Variants in DNAAF4 observed in about 807,000 individuals in gnomAD.
DNAAF4 encodes dynein axonemal assembly factor 4.
In DNAAF4, 43 loss-of-function variants were observed where a neutral mutation model predicts 51.8. That is an observed-to-expected ratio of 0.83 (90% CI 0.65 to 1.07). DNAAF4 has a LOEUF of 1.07. Among genes scored for constraint, DNAAF4 ranks in the 50% least tolerant of loss-of-function variants. The pLI is 0.00. For synonymous variants in DNAAF4, 194 were observed against 165.6 expected (o/e 1.17, Z -1.32); for missense variants, 581 against 493.0 (o/e 1.18, Z -1.69).
Position 55,430,443 on chromosome 15 carries a change from T to C in DNAAF4, c.*227A>G. 1 of 1,031,470 alleles carries C rather than the reference T, an allele frequency of 9.7e-7. No individual in the cohort carries two copies. Among genetic ancestry groups the C allele is most frequent in the Non-Finnish European group, 1.2e-6 (1 of 841,752 alleles). 63.9% of individuals were successfully genotyped at this position (1,031,470 alleles called of 1,614,324 possible). The stretch of plus-strand genomic sequence containing the variant: ...AACACAAAAAAGTATACATATGTAT[T>C]AATATGAAGAAATAAGGAATTAAAA... On this transcript the variant is annotated 3_prime_UTR_variant, in exon 10 of 10. Transcript: ENST00000321149.
rs71105878 is a variant in DNAAF4, at chr15:55,423,168, G to GTTTT, written c.1048-5039_1048-5036dup. 1.7e-4 allele frequency among the ~76,000 whole-genome samples: 25 copies of GTTTT among 146,142 alleles called. 1 individual carries two copies. Among genetic ancestry groups the GTTTT allele is most frequent in the African/African-American group, 5.0e-4 (20 of 39,702 alleles). On this transcript the variant is annotated intron_variant, in intron 7 of 7. Transcript: ENST00000448430. ...GCAATAGCTAGATGTAGAGCCAAAA[G>GTTTT]TTTTTTTTTTTTTAAGATATGATAT...
At chr15:55,503,973 G>A (rs1167856317) in intron 1 of DNAAF4, among the ~76,000 whole-genome samples, 1 of 152,190 alleles carries the variant, frequency 6.6e-6, no homozygotes, top group Non-Finnish European at 1.5e-5. Flanking sequence ...TAGGAAGAGA[G>A]GAAGTCAAAT....
At chr15:55,479,844 A>C (rs1431402215) in intron 4 of DNAAF4, among the ~76,000 whole-genome samples, 1 of 152,086 alleles carries the variant, frequency 6.6e-6, no homozygotes, top group Non-Finnish European at 1.5e-5. Flanking sequence ...GGTGGGGGAA[A>C]AACTCCACCC....
chr15:55,417,998 C>T (rs111445249), exon 8 of DNAAF4: 26,347 of 799,012 alleles, frequency 0.033, 486 homozygotes, highest in African/African-American at 0.047. Flanking sequence ...AGGCAGGAAC[C>T]GGCCATTTTC....
At chr15:55,418,150 G>T (rs763227298) in intron 7 of DNAAF4, 1 of 1,570,404 alleles carries the variant, frequency 6.4e-7, no homozygotes, top group Non-Finnish European at 8.6e-7. Context: ...AAGGGAAGTG[G>T]GTGGGACTGA....
At position 55,455,387 on chromosome 15, in the gene DNAAF4, A is replaced by AACAT. The variant is rs1555416510; in HGVS notation, c.638-5021_638-5020insATGT. Among the ~76,000 whole-genome samples, 148 of 127,380 alleles carry AACAT rather than the reference A, an allele frequency of 1.2e-3. 1 individual carries two copies. Among genetic ancestry groups the AACAT allele is most frequent in the Admixed American group, 3.5e-3 (43 of 12,380 alleles). The allele number at this position is 127,380 out of a possible 152,430, so 83.6% of individuals were successfully genotyped here. Reference sequence around the variant, plus strand: ...CTGCTTATAAAATATTAGCAAATTGAATATATATATATATATATATATATA... The same window carrying AACAT: ...CTGCTTATAAAATATTAGCAAATTGAACATATATATATATATATATATATATATA... On this transcript the variant is annotated intron_variant, in intron 5 of 9. Coordinates refer to ENST00000321149, the MANE Select transcript of DNAAF4 (RefSeq NM_130810.4).
chr15:55,450,755 T>C (rs2057919484), intron 5 of DNAAF4, among the ~76,000 whole-genome samples: 1 of 152,204 alleles, frequency 6.6e-6, no homozygotes, highest in South Asian at 2.1e-4. Context: ...ATCTCCTATA[T>C]GCTTTCTTAT....
chr15:55,447,139 C>T lies in DNAAF4; in HGVS notation c.783+3083G>A, dbSNP rs1471761301. 4.6e-5 allele frequency among the ~76,000 whole-genome samples: 6 copies of T among 129,406 alleles called. No individual in the cohort carries two copies. The South Asian group carries it at 7.9e-4, about 17-fold the overall frequency. 84.9% of individuals were successfully genotyped at this position (129,406 alleles called of 152,430 possible). ...GCAGAGGCACTCCTCACTTCCCAGA[C>T]GGGGTGGCCAGGCAGAGGCGCTCCT... is the stretch of plus-strand genomic sequence containing the variant. On this transcript the variant is annotated intron_variant, in intron 6 of 9. Transcript: ENST00000321149.
intron 5 of DNAAF4, among the ~76,000 whole-genome samples, chr15:55,454,405 TCTCA>T (rs2057986050): frequency 6.6e-6 from 1 of 151,852 alleles, no homozygotes; most frequent in Non-Finnish European, 1.5e-5. Context: ...TGAGACAGAG[TCTCA>T]CTCTGTTACC....
At chr15:55,472,654 T>C (rs1461143718) in intron 4 of DNAAF4, among the ~76,000 whole-genome samples, 1 of 152,048 alleles carries the variant, frequency 6.6e-6, no homozygotes, top group Non-Finnish European at 1.5e-5. Context: ...TAGGTGTTTG[T>C]ACTGTTCAAA....
rs55811825 is a variant in DNAAF4 at position 55,473,275 on chromosome 15, A to G, written c.406-6114T>C. On this transcript the variant is annotated intron_variant, in intron 4 of 9. Coordinates refer to ENST00000321149, the MANE Select transcript of DNAAF4 (RefSeq NM_130810.4). ...TGTATATATATGTGTATATATGTGT[A>G]TATATATGTGTATATATATGTGTAT... 1.0e-3 allele frequency among the ~76,000 whole-genome samples: 37 copies of G among 35,840 alleles called. 1 individual carries two copies. The highest frequency in any genetic ancestry group is 6.3e-3 in the East Asian group (2 of 316). The allele number at this position is 35,840 out of a possible 152,430, so 23.5% of individuals were successfully genotyped here.
rs1381848996 is a variant in DNAAF4 at position 55,419,753 on chromosome 15, T to C, written c.1048-1620A>G. Among the ~76,000 whole-genome samples the C allele has an allele frequency of 6.6e-5, 10 of 152,252 alleles. No individual in the cohort carries two copies. In the East Asian group the frequency reaches 1.4e-3, roughly 21 times the overall value. ...GGCTCACACCTGTAATCCCAGCACATTGGGAGCCCGGGGCTGGTGGATCAC... is the reference window on the plus strand; with the variant it reads ...GGCTCACACCTGTAATCCCAGCACACTGGGAGCCCGGGGCTGGTGGATCAC... On this transcript the variant is annotated intron_variant, in intron 7 of 7. Transcript: ENST00000448430.
Position 55,480,246 on chromosome 15 carries a change from C to T in DNAAF4, c.405+10877G>A, listed in dbSNP as rs1390856047. On this transcript the variant is annotated intron_variant, in intron 4 of 9. Coordinates refer to ENST00000321149, the MANE Select transcript of DNAAF4 (RefSeq NM_130810.4). ...CCGATGGCCCAGCTGTAAAATTCCT[C>T]TCTTTATACTGTCTCTCTTTATTTC... is the stretch of plus-strand genomic sequence containing the variant. Among the ~76,000 whole-genome samples the T allele has an allele frequency of 2.6e-5, 4 of 152,130 alleles. 1 individual carries two copies. The East Asian group carries it at 7.7e-4, about 29-fold the overall frequency.
intron 8 of DNAAF4, among the ~76,000 whole-genome samples, chr15:55,434,561 G>A (rs568718643): frequency 5.3e-5 from 8 of 152,178 alleles, no homozygotes; most frequent in South Asian, 2.1e-4. Flanking sequence ...TGCCGGGCGC[G>A]GTGGCTCATG....
At chr15:55,483,172 A>G (rs143001611) in intron 4 of DNAAF4, among the ~76,000 whole-genome samples, 7 of 152,064 alleles carry the variant, frequency 4.6e-5, no homozygotes, top group Admixed American at 1.3e-4. Context: ...TCTCGGCTCA[A>G]TGCAACCTCT....
At chr15:55,448,602 G>A (rs2057879838) in intron 6 of DNAAF4, among the ~76,000 whole-genome samples, 1 of 149,738 alleles carries the variant, frequency 6.7e-6, no homozygotes, top group Admixed American at 6.7e-5. Flanking sequence ...GGGCGCAGTG[G>A]CTCACACCTG....
chr15:55,429,221 C>A (rs2141392521), downstream of DNAAF4, among the ~76,000 whole-genome samples: 1 of 149,566 alleles, frequency 6.7e-6, no homozygotes, highest in African/African-American at 2.5e-5. Context: ...GACTACATCT[C>A]AAAAATAAAT....
chr15:55,431,531 G>A (rs886186353), intron 9 of DNAAF4, among the ~76,000 whole-genome samples: 1 of 148,446 alleles, frequency 6.7e-6, no homozygotes, highest in African/African-American at 2.5e-5. Context: ...CTGTAGCGCA[G>A]TGGCGTGATC....
chr15:55,498,346 G>C lies in DNAAF4; in HGVS notation c.-17C>G. 1 of 1,594,186 alleles carries C rather than the reference G, an allele frequency of 6.3e-7. No individual in the cohort carries two copies. The highest frequency in any genetic ancestry group is 8.6e-7 in the Non-Finnish European group (1 of 1,167,236). ...AAGAGGCATTCCGGTAGCAACGGGA[G>C]CGGATAGCGCGGCTGGTTGCTTCTT... On this transcript the variant is annotated 5_prime_UTR_variant, in exon 2 of 10. Coordinates refer to ENST00000321149, the MANE Select transcript of DNAAF4 (RefSeq NM_130810.4).
Sources: allele counts gnomAD v4.1 joint callset (sites outside exome capture counted in the v4.1 genomes callset), GRCh38; gene constraint gnomAD v4.1.1; transcripts MANE v1.5; gene names NCBI Gene and HGNC (gene_info 2026-07-23, HGNC 2026-07-21).